The following EPHA3 variants were observed in gnomAD, a reference collection of about 807,000 sequenced individuals.
EPHA3 encodes the protein EPH receptor A3.
A neutral mutation model predicts 107.1 loss-of-function variants in EPHA3; 42 were observed. The observed-to-expected ratio is 0.39, with a 90% CI of 0.31 to 0.51. The LOEUF is 0.51. Ranked by LOEUF, EPHA3 falls within the 20% of genes least tolerant of loss-of-function variation. The pLI, the probability that EPHA3 is intolerant of heterozygous loss-of-function variation, is 0.78. For synonymous variants in EPHA3, 461 were observed against 424.8 expected (o/e 1.09, Z -1.05); for missense variants, 1,183 against 1,211.2 (o/e 0.98, Z 0.35).
chr3:89,149,369 C>A (rs1300114949), intron 2 of EPHA3, among the ~76,000 whole-genome samples: 3 of 151,902 alleles, frequency 2.0e-5, no homozygotes, highest in African/African-American at 7.2e-5. Flanking sequence ...AATAGAAAAC[C>A]ATTGAAATAA....
At chr3:89,318,949 T>C (rs892795613) in intron 3 of EPHA3, among the ~76,000 whole-genome samples, 2 of 151,974 alleles carry the variant, frequency 1.3e-5, no homozygotes, top group African/African-American at 4.8e-5. Context: ...CAAAGAATGA[T>C]TGCTCAAATC....
In EPHA3 at chr3:89,395,414, A is replaced by G. The variant is rs574133471; in HGVS notation, c.1307-423A>G. ...GATTCCAGTCCTCTTGCAGAGCTGC[A>G]TATGAAAATGTTATCAATGAGCTGA... On this transcript the variant is annotated intron_variant, in intron 5 of 16. Transcript: ENST00000336596. 2.6e-5 allele frequency among the ~76,000 whole-genome samples: 4 copies of G among 152,346 alleles called. No homozygotes were observed. In the South Asian group the frequency reaches 8.3e-4, roughly 32 times the overall value.
intron 2 of EPHA3, among the ~76,000 whole-genome samples, chr3:89,162,527 A>G (rs1214284217): frequency 3.3e-5 from 5 of 152,026 alleles, no homozygotes; most frequent in African/African-American, 9.7e-5. Context: ...CACTTGTCCA[A>G]CCTCTCTCCT....
At chr3:89,218,312 C>T (rs988641814) in intron 3 of EPHA3, among the ~76,000 whole-genome samples, 10 of 126,780 alleles carry the variant, frequency 7.9e-5, no homozygotes, top group Non-Finnish European at 1.6e-4. Flanking sequence ...CACAACAGTC[C>T]CTGGTGTGTG....
chr3:89,471,386 G>T (rs556172225), intron 15 of EPHA3, among the ~76,000 whole-genome samples: 1 of 152,102 alleles, frequency 6.6e-6, no homozygotes, highest in Non-Finnish European at 1.5e-5. Context: ...CTTTCTTTTT[G>T]AGACGGAGTT....
chr3:89,163,537 A>T (rs1268597791), intron 2 of EPHA3, among the ~76,000 whole-genome samples: 1 of 152,312 alleles, frequency 6.6e-6, no homozygotes, highest in Middle Eastern at 3.4e-3. Context: ...ATGATATAAA[A>T]ATAATGTGTA....
intron 1 of EPHA3, among the ~76,000 whole-genome samples, chr3:89,124,543 C>A (rs1293725005): frequency 6.6e-6 from 1 of 151,950 alleles, no homozygotes; most frequent in Non-Finnish European, 1.5e-5. Flanking sequence ...TTGAAGTTAA[C>A]TATTCTACTC....
At chr3:89,433,610 T>A (rs981954648) in intron 13 of EPHA3, among the ~76,000 whole-genome samples, 33 of 152,324 alleles carry the variant, frequency 2.2e-4, no homozygotes, top group East Asian at 5.8e-4. Flanking sequence ...AATTTTTTTT[T>A]AATCTGAGTA....
At chr3:89,421,404 C>T (rs763855846) in intron 11 of EPHA3, among the ~76,000 whole-genome samples, 4 of 151,090 alleles carry the variant, frequency 2.6e-5, no homozygotes, top group Non-Finnish European at 5.9e-5. Context: ...ATAGGTCTTT[C>T]TTTAGTATTT....
intron 3 of EPHA3, among the ~76,000 whole-genome samples, chr3:89,250,406 T>C (rs1457141879): frequency 2.0e-5 from 3 of 152,216 alleles, no homozygotes; most frequent in African/African-American, 7.2e-5. Flanking sequence ...CATCAAGGTA[T>C]TGCTATTTTG....
At chr3:89,475,662 A>C (rs1710491688) in intron 16 of EPHA3, among the ~76,000 whole-genome samples, 1 of 152,240 alleles carries the variant, frequency 6.6e-6, no homozygotes, top group Non-Finnish European at 1.5e-5. Context: ...GGAACTAGAA[A>C]GAGAATTAAG....
chr3:89,145,318 T>C (rs1704518165), intron 2 of EPHA3, among the ~76,000 whole-genome samples: 1 of 151,636 alleles, frequency 6.6e-6, no homozygotes, highest in African/African-American at 2.4e-5. Flanking sequence ...TTTACCTTTA[T>C]ATAGAGATTC....
At chr3:89,123,909 A>T (rs1704028245) in intron 1 of EPHA3, among the ~76,000 whole-genome samples, 1 of 152,252 alleles carries the variant, frequency 6.6e-6, no homozygotes, top group Admixed American at 6.5e-5. Context: ...TCACATCATT[A>T]GAATATGAAA....
intron 3 of EPHA3, among the ~76,000 whole-genome samples, chr3:89,217,454 C>T (rs940326352): frequency 2.6e-5 from 4 of 151,926 alleles, no homozygotes; most frequent in East Asian, 3.9e-4. Context: ...ATATTCTTAC[C>T]GCTATTTCTA....
Position 89,154,947 on chromosome 3 carries a change from C to T in EPHA3, c.153+27674C>T, listed in dbSNP as rs190101096. Among the ~76,000 whole-genome samples, 449 of 148,638 alleles carry T rather than the reference C, an allele frequency of 3.0e-3. 1 individual carries two copies. Among genetic ancestry groups the T allele is most frequent in the Non-Finnish European group, 5.3e-3 (359 of 67,236 alleles). ...ATTATCATTGCTCCACTATTATAAC[C>T]ATTAGAAACATAATTCTGTTTAAAA... On this transcript the variant is annotated intron_variant, in intron 2 of 16. Coordinates refer to ENST00000336596, the MANE Select transcript of EPHA3 (RefSeq NM_005233.6).
At chr3:89,211,547 A>T (rs9310113) in intron 3 of EPHA3, among the ~76,000 whole-genome samples, 115,064 of 151,868 alleles carry the variant, frequency 0.76, 44,356 homozygotes, top group Admixed American at 0.84. Context: ...CTCAAATGCA[A>T]GTGGAATAAA....
chr3:89,415,384 A>G (rs1222723559), intron 10 of EPHA3, among the ~76,000 whole-genome samples: 1 of 148,788 alleles, frequency 6.7e-6, no homozygotes, highest in Non-Finnish European at 1.5e-5. Flanking sequence ...TTCTAAATTG[A>G]TTACCAACTG....
chr3:89,302,600 ATTTG>A (rs1262843259), intron 3 of EPHA3, among the ~76,000 whole-genome samples: 1 of 152,114 alleles, frequency 6.6e-6, no homozygotes, highest in Non-Finnish European at 1.5e-5. Flanking sequence ...TATTGATTTC[ATTTG>A]TATGTCATGA....
intron 2 of EPHA3, among the ~76,000 whole-genome samples, chr3:89,178,125 A>G (rs1455055555): frequency 6.6e-6 from 1 of 152,108 alleles, no homozygotes; most frequent in African/African-American, 2.4e-5. Flanking sequence ...TAAAGTGTTG[A>G]TTACAATTAT....
Sources: gnomAD v4.1 joint callset for allele counts (sites outside exome capture counted in the v4.1 genomes callset) on GRCh38, gnomAD v4.1.1 for gene constraint, MANE v1.5 for transcripts, NCBI Gene and HGNC (gene_info 2026-07-23, HGNC 2026-07-21) for gene names.